ANO3: variants seen among roughly 807,000 people sequenced by gnomAD.
The protein encoded by ANO3 is anoctamin-3.
ANO3 carries 99 observed loss-of-function variants against 144.8 expected under a neutral mutation model. The observed-to-expected ratio is 0.68, with a 90% CI of 0.58 to 0.81. The LOEUF (loss-of-function observed/expected upper bound fraction) is 0.81, where lower values mean the gene tolerates loss of function less well. ANO3 is among the 30% of genes least tolerant of loss of function. ANO3 has a pLI of 0.00. For missense variants in ANO3, 905 were observed against 1,202.2 expected (o/e 0.75, Z 3.66); for synonymous variants, 414 against 392.6 (o/e 1.05, Z -0.64).
intron 17 of ANO3, among the ~76,000 whole-genome samples, chr11:26,606,411 G>A (rs769948493): frequency 6.6e-6 from 1 of 152,134 alleles, no homozygotes; most frequent in Non-Finnish European, 1.5e-5. Flanking sequence ...CTGTTGATCT[G>A]GGGTGGAGAG....
intron 1 of ANO3, among the ~76,000 whole-genome samples, chr11:26,193,234 C>T (rs984225242): frequency 9.3e-5 from 14 of 151,020 alleles, no homozygotes; most frequent in Admixed American, 3.3e-4. Context: ...CTCCACCTCC[C>T]GGGTTCAAGC....
At chr11:26,242,502 T>C (rs2133812075) in intron 1 of ANO3, among the ~76,000 whole-genome samples, 1 of 152,354 alleles carries the variant, frequency 6.6e-6, no homozygotes, top group East Asian at 1.9e-4. Flanking sequence ...TTACTTTCTC[T>C]ATTCATCTCC....
intron 14 of ANO3, among the ~76,000 whole-genome samples, chr11:26,561,747 T>C (rs907040172): frequency 2.0e-5 from 3 of 152,048 alleles, no homozygotes; most frequent in Non-Finnish European, 2.9e-5. Flanking sequence ...CAAGTTATCA[T>C]GCACTTGAGG....
rs1855071525 is a variant in ANO3, at chr11:26,332,327, T to C, written c.46+6T>C. The C allele has an allele frequency of 1.9e-6, 3 of 1,613,496 alleles. No homozygotes were observed. The highest frequency in any genetic ancestry group is 1.7e-6 in the Non-Finnish European group (2 of 1,179,924). The stretch of plus-strand genomic sequence containing the variant: ...GTCCTTTAAACAGCAAAAAGGTCAG[T>C]TGGAATCTTGCTCCCCTCTCCCTGC... On this transcript the variant is annotated splice_donor_region_variant and intron_variant, in intron 1 of 26. Coordinates refer to ENST00000256737, the MANE Select transcript of ANO3 (RefSeq NM_031418.4).
At chr11:26,405,470 G>A (rs1857254994) in intron 1 of ANO3, among the ~76,000 whole-genome samples, 1 of 151,806 alleles carries the variant, frequency 6.6e-6, no homozygotes, top group Non-Finnish European at 1.5e-5. Flanking sequence ...AGCAGGATAT[G>A]ACTGAAAACC....
rs545603948 is a variant in ANO3, at chr11:26,497,050, C to T, written c.433-11054C>T. On this transcript the variant is annotated intron_variant, in intron 4 of 26. Coordinates refer to ENST00000256737, the MANE Select transcript of ANO3 (RefSeq NM_031418.4). ...GACACACACACACACACACACACTA[C>T]ATTTTCTCTCTCTATATATATACAC... is the stretch of plus-strand genomic sequence containing the variant. Among the ~76,000 whole-genome samples the T allele has an allele frequency of 9.0e-5, 13 of 145,122 alleles. 1 individual carries two copies. In the South Asian group the frequency reaches 2.6e-3, roughly 29 times the overall value.
chr11:26,529,393 TATATTATATAATAATATATAATA>T, intron 7 of ANO3, among the ~76,000 whole-genome samples: 1 of 1,102 alleles, frequency 9.1e-4, no homozygotes, highest in African/African-American at 1.0e-3. Flanking sequence ...TATATTATTA[TATATTATATAATAATATATAATA>T]ATATATTATA....
intron 17 of ANO3, among the ~76,000 whole-genome samples, chr11:26,618,827 T>C (rs439961): frequency 0.87 from 132,527 of 152,162 alleles, 58,099 homozygotes; most frequent in East Asian, 0.96. Flanking sequence ...GTCTCCTTGG[T>C]GAATATCTCT....
intron 1 of ANO3, chr11:26,287,458 G>T (rs1853834886): frequency 1.3e-5 from 2 of 152,152 alleles, no homozygotes; most frequent in African/African-American, 2.4e-5. Context: ...GAGGTCGAGT[G>T]ATTTATCCAA....
At chr11:26,524,700 C>A (rs1241169505) in intron 6 of ANO3, among the ~76,000 whole-genome samples, 1 of 152,098 alleles carries the variant, frequency 6.6e-6, no homozygotes, top group African/African-American at 2.4e-5. Context: ...AAATGCTATA[C>A]CTCTACTTAA....
chr11:26,547,957 G>C (rs1022478943), intron 12 of ANO3, among the ~76,000 whole-genome samples: 32 of 151,742 alleles, frequency 2.1e-4, no homozygotes, highest in African/African-American at 7.0e-4. Context: ...TGTTTCATTT[G>C]CTATAACCTT....
At chr11:26,328,652 A>G (rs1031246360), upstream of ANO3, among the ~76,000 whole-genome samples, 2 of 152,196 alleles carry the variant, frequency 1.3e-5, no homozygotes, top group Non-Finnish European at 2.9e-5. Flanking sequence ...AAAGTTAATT[A>G]CTTAAGGAGG....
At chr11:26,274,109 C>T (rs1468262165) in intron 1 of ANO3, among the ~76,000 whole-genome samples, 3 of 152,086 alleles carry the variant, frequency 2.0e-5, no homozygotes, top group Non-Finnish European at 4.4e-5. Flanking sequence ...CTCTTCTGCT[C>T]ACATTTTACT....
chr11:26,578,274 A>T (rs1851041982), intron 14 of ANO3, among the ~76,000 whole-genome samples: 1 of 152,180 alleles, frequency 6.6e-6, no homozygotes, highest in Admixed American at 6.5e-5. Flanking sequence ...GCATGAATTG[A>T]CAATATGAGA....
At position 26,662,700 on chromosome 11, in the gene ANO3, T is replaced by G. The variant is rs1180157460; in HGVS notation, c.*2256T>G. On this transcript the variant is annotated 3_prime_UTR_variant, in exon 27 of 27. Transcript: ENST00000256737. ...ACATTGATTTATAAAATGCCTTCTC[T>G]GATACTTTTGAAACAGATGTGAAAA... 1 of 151,838 alleles carries G rather than the reference T, an allele frequency of 6.6e-6. No homozygotes were observed. Among genetic ancestry groups the G allele is most frequent in the Non-Finnish European group, 1.5e-5 (1 of 67,982 alleles). 9.4% of individuals were successfully genotyped at this position (151,838 alleles called of 1,614,324 possible).
rs148600442 is a variant in ANO3, at chr11:26,347,544, A to G, written c.46+15223A>G. On this transcript the variant is annotated intron_variant, in intron 1 of 26. Transcript: ENST00000256737. ...CATGTGAAAATGAAATCGTTCTGTC[A>G]AATTAATTATAGAATCAGGAATATA... 8.5e-3 allele frequency among the ~76,000 whole-genome samples: 1,299 copies of G among 152,340 alleles called. 8 individuals carry two copies. The highest frequency in any genetic ancestry group is 0.014 in the Non-Finnish European group (945 of 68,020).
intron 1 of ANO3, among the ~76,000 whole-genome samples, chr11:26,360,116 G>T: frequency 6.6e-6 from 1 of 150,592 alleles, no homozygotes. Flanking sequence ...ATTTCTGTAA[G>T]AATTTTCATT....
chr11:26,272,373 A>G (rs550851839), intron 1 of ANO3, among the ~76,000 whole-genome samples: 2 of 152,312 alleles, frequency 1.3e-5, no homozygotes, highest in East Asian at 3.9e-4. Context: ...TAAAATGAAA[A>G]GGAAATTTGT....
At chr11:26,221,305 G>T (rs1852138566) in intron 1 of ANO3, among the ~76,000 whole-genome samples, 1 of 152,164 alleles carries the variant, frequency 6.6e-6, no homozygotes, top group Non-Finnish European at 1.5e-5. Context: ...TTCAGGGCTT[G>T]GGTTCCACTT....
Sources: gnomAD v4.1 joint callset for allele counts (sites outside exome capture counted in the v4.1 genomes callset) on GRCh38, gnomAD v4.1.1 for gene constraint, MANE v1.5 for transcripts, NCBI Gene and HGNC (gene_info 2026-07-23, HGNC 2026-07-21) for gene names.